Variants in SCN11A observed in about 807,000 individuals in gnomAD.
SCN11A encodes the protein sodium voltage-gated channel alpha subunit 11.
SCN11A carries 122 observed loss-of-function variants against 162.2 expected under a neutral mutation model. That is an observed-to-expected ratio of 0.75 (90% CI 0.65 to 0.87). The LOEUF is 0.87. Among genes scored for constraint, SCN11A ranks in the 40% least tolerant of loss-of-function variants. SCN11A has a pLI of 0.00. For missense variants in SCN11A, 2,015 were observed against 2,181.6 expected (o/e 0.92, Z 1.52); for synonymous variants, 758 against 751.5 (o/e 1.01, Z -0.14).
intron 8 of SCN11A, among the ~76,000 whole-genome samples, chr3:38,925,715 G>C (rs575104847): frequency 6.6e-6 from 1 of 152,336 alleles, no homozygotes; most frequent in East Asian, 1.9e-4. Flanking sequence ...GCTGTTCTCA[G>C]TTCACCTTCA....
At chr3:39,021,109 A>G (rs1352943806) in intron 2 of SCN11A, among the ~76,000 whole-genome samples, 2 of 151,944 alleles carry the variant, frequency 1.3e-5, no homozygotes, top group African/African-American at 2.4e-5. Flanking sequence ...CTATTTGTGG[A>G]TGGGGCAGTA....
chr3:38,991,298 C>T (rs935660050), intron 2 of SCN11A, among the ~76,000 whole-genome samples: 2 of 152,158 alleles, frequency 1.3e-5, no homozygotes, highest in African/African-American at 4.8e-5. Flanking sequence ...CCTTGGGCAG[C>T]AACTGGGTAC....
chr3:39,006,673 T>C (rs1017048272), intron 2 of SCN11A, among the ~76,000 whole-genome samples: 1 of 152,152 alleles, frequency 6.6e-6, no homozygotes, highest in African/African-American at 2.4e-5. Context: ...CAGTGGTTCT[T>C]GCCTGTAATC....
intron 11 of SCN11A, among the ~76,000 whole-genome samples, chr3:38,914,575 G>A (rs1220707327): frequency 2.6e-5 from 4 of 152,144 alleles, no homozygotes; most frequent in Non-Finnish European, 4.4e-5. Flanking sequence ...ACTTTTCAAG[G>A]AGAATGCTTC....
intron 27 of SCN11A, 114 bp from the exon 28 acceptor site, chr3:38,863,413 A>T (rs2064996586): frequency 1.6e-6 from 1 of 617,064 alleles, no homozygotes; most frequent in Non-Finnish European, 2.9e-6. Context: ...AATTCTTAAA[A>T]TTTCAATGGT....
At chr3:39,029,061 G>C (rs968402396) in intron 2 of SCN11A, among the ~76,000 whole-genome samples, 1 of 152,130 alleles carries the variant, frequency 6.6e-6, no homozygotes, top group African/African-American at 2.4e-5. Context: ...AATCTGTCAT[G>C]GTCATTTACT....
intron 28 of SCN11A, among the ~76,000 whole-genome samples, chr3:38,858,724 C>T (rs1039006499): frequency 1.3e-5 from 2 of 152,092 alleles, no homozygotes; most frequent in African/African-American, 4.8e-5. Context: ...TATTCATCAG[C>T]ACATGGAGCA....
Position 39,042,282 on chromosome 3 carries a change from A to G in SCN11A, c.-404+9579T>C, listed in dbSNP as rs143507117. On this transcript the variant is annotated intron_variant, in intron 1 of 29. Transcript: ENST00000302328. ...AGACTCCATCTCCAAAAAAACCCAA[A>G]CAAACCAAGAGCCTATTCTGCCTAT... Among the ~76,000 whole-genome samples, 18 of 152,238 alleles carry G rather than the reference A, an allele frequency of 1.2e-4. No homozygotes were observed. The East Asian group carries it at 3.1e-3, about 26-fold the overall frequency.
Position 38,905,198 on chromosome 3 carries a change from T to C in SCN11A, c.1597A>G (p.Met533Val). Residue 533 changes from methionine (M) to valine (V), a missense_variant, in exon 15 of 30, where the codon ATG (methionine) becomes GTG (valine). Met to Val is a conservative substitution (Grantham distance 21, BLOSUM62 1). Transcript: ENST00000302328. ...LSAVSILTIT[M>V]KEQEKSQEPC... ...ATTGGGATGTGGAACTTACCCTTCATGGTGATGGTGAGGATGCTGACAGCA... is the reference window on the plus strand; with the variant it reads ...ATTGGGATGTGGAACTTACCCTTCACGGTGATGGTGAGGATGCTGACAGCA... 2 of 1,614,034 alleles carry C rather than the reference T, an allele frequency of 1.2e-6. No individual in the cohort carries two copies. Among genetic ancestry groups the C allele is most frequent in the Non-Finnish European group, 1.7e-6 (2 of 1,179,926 alleles).
At chr3:39,044,848 CA>C (rs1357101200) in intron 1 of SCN11A, among the ~76,000 whole-genome samples, 4 of 151,214 alleles carry the variant, frequency 2.6e-5, no homozygotes, top group African/African-American at 9.7e-5. Flanking sequence ...GAAATCGAGA[CA>C]AAAAATACAA....
intron 7 of SCN11A, among the ~76,000 whole-genome samples, chr3:38,940,248 T>G (rs1429258106): frequency 6.6e-6 from 1 of 152,060 alleles, no homozygotes; most frequent in Non-Finnish European, 1.5e-5. Flanking sequence ...TTTTAACAAA[T>G]GAAAAATATG....
chr3:38,933,425 C>T (rs9870358), intron 7 of SCN11A, among the ~76,000 whole-genome samples: 10,232 of 152,024 alleles, frequency 0.067, 1,104 homozygotes, highest in African/African-American at 0.23. Context: ...CAAACTACTC[C>T]GAGCTACAGG....
At chr3:38,926,994 C>T (rs866830861) in intron 7 of SCN11A, 63 bp from the exon 8 acceptor site, 1 of 1,487,502 alleles carries the variant, frequency 6.7e-7, no homozygotes, top group South Asian at 1.3e-5. Flanking sequence ...GCAAAGAGCC[C>T]TTCTATCTTA....
chr3:38,901,506 T>TA (rs145026293), intron 16 of SCN11A, among the ~76,000 whole-genome samples: 2,417 of 152,314 alleles, frequency 0.016, 67 homozygotes, highest in African/African-American at 0.056. Flanking sequence ...TTGGGACCAT[T>TA]GTTTTGTCAA....
chr3:38,968,009 A>G (rs940653591), intron 2 of SCN11A, among the ~76,000 whole-genome samples: 17 of 152,354 alleles, frequency 1.1e-4, no homozygotes, highest in African/African-American at 4.1e-4. Flanking sequence ...ATAAGCATAA[A>G]AGAAAGCTTG....
chr3:38,986,154 G>A (rs1310958996), intron 2 of SCN11A, among the ~76,000 whole-genome samples: 1 of 150,730 alleles, frequency 6.6e-6, no homozygotes, highest in Non-Finnish European at 1.5e-5. Context: ...TTCATTGTGG[G>A]AGGAGACTAC....
intron 2 of SCN11A, among the ~76,000 whole-genome samples, chr3:39,012,282 G>A (rs141359211): frequency 0.043 from 6,504 of 152,034 alleles, 259 homozygotes; most frequent in African/African-American, 0.1. Flanking sequence ...TCGAGATTAC[G>A]CCATTGCACT....
intron 17 of SCN11A, among the ~76,000 whole-genome samples, chr3:38,899,569 C>T (rs1281634133): frequency 6.6e-6 from 1 of 152,046 alleles, no homozygotes; most frequent in Non-Finnish European, 1.5e-5. Context: ...CCTCACAGCT[C>T]CATGGGAAAA....
intron 25 of SCN11A, 117 bp from the exon 26 acceptor site, chr3:38,870,861 C>T: frequency 2.7e-6 from 2 of 748,802 alleles, no homozygotes; most frequent in South Asian, 3.6e-5. Flanking sequence ...GATACCCCAA[C>T]CTTCTAGGAC....
Sources: gnomAD v4.1 joint callset for allele counts (sites outside exome capture counted in the v4.1 genomes callset) on GRCh38, gnomAD v4.1.1 for gene constraint, MANE v1.5 for transcripts, NCBI Gene and HGNC (gene_info 2026-07-23, HGNC 2026-07-21) for gene names.